Variants in FUNDC1 observed in about 807,000 individuals in gnomAD.
FUNDC1 encodes FUN14 domain-containing protein 1.
A neutral mutation model predicts 14.5 loss-of-function variants in FUNDC1; 10 were observed. The observed-to-expected ratio is 0.69, with a 90% CI of 0.43 to 1.17. The LOEUF is 1.17. FUNDC1 is among the 50% of genes most tolerant of loss of function. FUNDC1 has a pLI of 0.00. For synonymous variants in FUNDC1, 33 were observed against 39.7 expected, an observed-to-expected ratio of 0.83 and a Z score of 0.64; for missense variants, 115 against 113.8, an observed-to-expected ratio of 1.01 and a Z score of -0.05.
chrX:44,537,380 T>C (rs1445317187), intron 3 of FUNDC1, among the ~76,000 whole-genome samples: 1 of 112,054 alleles, frequency 8.9e-6, no homozygotes, highest in African/African-American at 3.2e-5. Context: ...GAATAAAATA[T>C]GCTCTTGATT....
At chrX:44,542,299 C>T in intron 1 of FUNDC1, 198 bp from the exon 2 acceptor site, 1 of 411,727 alleles carries the variant, frequency 2.4e-6, no homozygotes. Flanking sequence ...CAACAATGAC[C>T]CCCATCTGCT....
chrX:44,524,086 A>T lies in FUNDC1; in HGVS notation c.*112T>A. On this transcript the variant is annotated 3_prime_UTR_variant, in exon 5 of 5. Coordinates refer to ENST00000378045, the MANE Select transcript of FUNDC1 (RefSeq NM_173794.4). ...GTTGTGAATTGAGTATTGTCCAGCT[A>T]GTTGTTTCTCCTTGCCCTAGAGACT... The T allele has an allele frequency of 1.9e-6, 1 of 521,881 alleles. No individual in the cohort carries two copies. Among genetic ancestry groups the T allele is most frequent in the Non-Finnish European group, 3.4e-6 (1 of 298,305 alleles). 43.0% of individuals were successfully genotyped at this position (521,881 alleles called of 1,213,427 possible).
chrX:44,538,699 T>A lies in FUNDC1; in HGVS notation c.186-157A>T, dbSNP rs779004992. Among the ~76,000 whole-genome samples the A allele has an allele frequency of 3.6e-5, 4 of 111,936 alleles. No individual in the cohort carries two copies. The South Asian group carries it at 1.5e-3, about 42-fold the overall frequency. Reference sequence around the variant, plus strand: ...GAAACCTTCTCAGAAACCCCTCAGTTATACAGGCTAGTCAAAAATGCACAA... The same window carrying A: ...GAAACCTTCTCAGAAACCCCTCAGTAATACAGGCTAGTCAAAAATGCACAA... On this transcript the variant is annotated intron_variant, in intron 2 of 4. Transcript: ENST00000378045.
At chrX:44,535,985 C>CT (rs1363817533) in intron 3 of FUNDC1, among the ~76,000 whole-genome samples, 5 of 86,349 alleles carry the variant, frequency 5.8e-5, no homozygotes, top group African/African-American at 2.7e-4. Context: ...AAACTCTTGT[C>CT]TAAAAAAAAA....
chrX:44,535,456 A>T (rs1457492566), intron 3 of FUNDC1, among the ~76,000 whole-genome samples: 1 of 106,344 alleles, frequency 9.4e-6, no homozygotes, highest in Non-Finnish European at 1.9e-5. Flanking sequence ...TCATGAGGTC[A>T]GGAGATCGAG....
intron 3 of FUNDC1, among the ~76,000 whole-genome samples, chrX:44,531,243 G>GTTTCCAGAA (rs1569186851): frequency 1.4e-5 from 1 of 69,111 alleles, no homozygotes; most frequent in Non-Finnish European, 2.6e-5. Flanking sequence ...ACTGTTTCCA[G>GTTTCCAGAA]AAAAACACAC....
At chrX:44,529,964 C>T (rs1395256331) in intron 3 of FUNDC1, among the ~76,000 whole-genome samples, 2 of 112,321 alleles carry the variant, frequency 1.8e-5, no homozygotes, top group African/African-American at 6.5e-5. Context: ...CAGTGAGCCA[C>T]GGCACCCAGC....
chrX:44,525,954 T>C (rs1439867649), intron 4 of FUNDC1, among the ~76,000 whole-genome samples: 1 of 105,662 alleles, frequency 9.5e-6, no homozygotes, highest in Non-Finnish European at 1.9e-5. Context: ...CCTGGCACTT[T>C]GGGAGGCCGA....
At chrX:44,527,126 C>T in intron 4 of FUNDC1, 111 bp downstream of exon 4, 1 of 528,326 alleles carries the variant, frequency 1.9e-6, no homozygotes, top group Admixed American at 4.5e-5. Context: ...ACCAAAAACA[C>T]CATTTTTAAA....
rs1292574212 is a variant in FUNDC1, at chrX:44,527,060, T to C, written c.390+177A>G. Reference sequence around the variant, plus strand: ...ATAACCACCAAAAAAAAAAAAATAATGACTGATTTAAGTAGTGGTGTGATC... The same window carrying C: ...ATAACCACCAAAAAAAAAAAAATAACGACTGATTTAAGTAGTGGTGTGATC... On this transcript the variant is annotated intron_variant, in intron 4 of 4. Coordinates refer to ENST00000378045, the MANE Select transcript of FUNDC1 (RefSeq NM_173794.4). Among the ~76,000 whole-genome samples, 5 of 107,997 alleles carry C rather than the reference T, an allele frequency of 4.6e-5. 1 individual carries two copies. Among genetic ancestry groups the C allele is most frequent in the Non-Finnish European group, 1.9e-5 (1 of 52,253 alleles). 93.8% of individuals were successfully genotyped at this position (107,997 alleles called of 115,157 possible). A position where few individuals can be genotyped will look rare whatever the true frequency, so the allele number is the denominator to read the frequency against.
rs143128643 is a variant in FUNDC1 at position 44,524,868 on chromosome X, C to G, written c.391-593G>C. On this transcript the variant is annotated intron_variant, in intron 4 of 4. Coordinates refer to ENST00000378045, the MANE Select transcript of FUNDC1 (RefSeq NM_173794.4). ...AATGATCTCACAAGTAAAAAGAAAT[C>G]TACCTGTAAGGTAGAGATGAATGGC... is the stretch of plus-strand genomic sequence containing the variant. 1.0e-3 allele frequency among the ~76,000 whole-genome samples: 116 copies of G among 111,121 alleles called. 1 individual carries two copies. The East Asian group carries it at 0.03, about 28-fold the overall frequency.
chrX:44,537,721 A>G (rs1461901741), intron 3 of FUNDC1, among the ~76,000 whole-genome samples: 1 of 112,019 alleles, frequency 8.9e-6, no homozygotes, highest in Non-Finnish European at 1.9e-5. Context: ...AAAATCTAGT[A>G]CAAGTGACAG....
chrX:44,534,361 T>C (rs747733799), intron 3 of FUNDC1, among the ~76,000 whole-genome samples: 2 of 108,753 alleles, frequency 1.8e-5, no homozygotes, highest in African/African-American at 6.7e-5. Flanking sequence ...GTAAAATAAA[T>C]AAAGAAAGAA....
At chrX:44,529,421 G>T (rs1004804162) in intron 3 of FUNDC1, among the ~76,000 whole-genome samples, 1 of 110,979 alleles carries the variant, frequency 9.0e-6, no homozygotes, top group African/African-American at 3.3e-5. Context: ...AGATGCTAAA[G>T]ATACTAACGC....
At chrX:44,532,795 G>A (rs181638289) in intron 3 of FUNDC1, among the ~76,000 whole-genome samples, 38 of 110,531 alleles carry the variant, frequency 3.4e-4, no homozygotes, top group African/African-American at 1.1e-3. Context: ...CAGGCGATCC[G>A]CCCGCCTCGG....
chrX:44,538,976 T>C (rs1048848813), intron 2 of FUNDC1, among the ~76,000 whole-genome samples: 1 of 111,331 alleles, frequency 9.0e-6, no homozygotes, highest in Non-Finnish European at 1.9e-5. Context: ...GGTCATCACC[T>C]TTGCTCAAGC....
chrX:44,538,629 T>C, intron 2 of FUNDC1, 87 bp from the exon 3 acceptor site: 1 of 719,287 alleles, frequency 1.4e-6, no homozygotes. Context: ...CCTAATAAAA[T>C]CTTATGTCTT....
At chrX:44,527,475 G>T in intron 3 of FUNDC1, 110 bp from the exon 4 acceptor site, 2 of 539,001 alleles carry the variant, frequency 3.7e-6, no homozygotes, top group South Asian at 5.9e-5. Flanking sequence ...AAAACTTATA[G>T]CTAAGAAATT....
chrX:44,540,414 T>TTTTG (rs1555923159), intron 2 of FUNDC1, among the ~76,000 whole-genome samples: 76 of 96,668 alleles, frequency 7.9e-4, no homozygotes, highest in African/African-American at 1.5e-3. Flanking sequence ...AATGTGTGTG[T>TTTTG]TGTGTGTGTG....
Sources: allele counts gnomAD v4.1 joint callset (sites outside exome capture counted in the v4.1 genomes callset), GRCh38; gene constraint gnomAD v4.1.1; transcripts MANE v1.5; gene names NCBI Gene and HGNC (gene_info 2026-07-23, HGNC 2026-07-21).